DAB1: variants seen among roughly 807,000 people sequenced by gnomAD.
DAB1 encodes DAB adaptor protein 1, also known as disabled homolog 1.
Under a neutral mutation model 64.6 loss-of-function variants are expected in DAB1, and 15 were observed. The ratio of observed to expected loss-of-function variants is 0.23; its 90% confidence interval spans 0.16 to 0.36. The LOEUF (loss-of-function observed/expected upper bound fraction) is 0.36. DAB1 is among the 10% of genes least tolerant of loss of function. The pLI, the probability that DAB1 is intolerant of heterozygous loss-of-function variation, is 1.00. For missense variants in DAB1, 596 were observed against 706.7 expected, an observed-to-expected ratio of 0.84 and a Z score of 1.78; for synonymous variants, 235 against 251.9, an observed-to-expected ratio of 0.93 and a Z score of 0.64.
intron 7 of DAB1, among the ~76,000 whole-genome samples, chr1:57,475,739 C>T (rs1295787524): frequency 1.3e-5 from 2 of 152,214 alleles, no homozygotes; most frequent in Non-Finnish European, 2.9e-5. Flanking sequence ...TGTTACCGGC[C>T]AACGCCATCC....
intron 6 of DAB1, among the ~76,000 whole-genome samples, chr1:57,812,331 AAAAAAAAG>A (rs1265382163): frequency 8.6e-4 from 130 of 150,990 alleles, no homozygotes; most frequent in African/African-American, 2.6e-3. Flanking sequence ...AAAAAAAAAA[AAAAAAAAG>A]AAAGAAAGAA....
chr1:57,627,821 T>C (rs1159860768), intron 7 of DAB1, among the ~76,000 whole-genome samples: 3 of 152,196 alleles, frequency 2.0e-5, no homozygotes, highest in Non-Finnish European at 4.4e-5. Flanking sequence ...TCATGTCAAT[T>C]ACTGAGGGTG....
chr1:57,389,377 C>G (rs886903135), intron 1 of DAB1, among the ~76,000 whole-genome samples: 1 of 152,142 alleles, frequency 6.6e-6, no homozygotes, highest in Non-Finnish European at 1.5e-5. Context: ...CATGCCGTAG[C>G]CCCTGCCTAC....
intron 1 of DAB1, among the ~76,000 whole-genome samples, chr1:58,541,982 C>T (rs759481216): frequency 2.6e-5 from 4 of 152,100 alleles, no homozygotes; most frequent in Non-Finnish European, 5.9e-5. Context: ...TCAACCTAAG[C>T]TAATACGATA....
chr1:58,460,678 G>A (rs770198251), intron 3 of DAB1, among the ~76,000 whole-genome samples: 4 of 152,130 alleles, frequency 2.6e-5, no homozygotes, highest in African/African-American at 4.8e-5. Context: ...GTAGCTGTCC[G>A]TAGTCCTGAA....
At chr1:57,485,720 T>C (rs951811795) in intron 7 of DAB1, among the ~76,000 whole-genome samples, 1 of 152,100 alleles carries the variant, frequency 6.6e-6, no homozygotes, top group African/African-American at 2.4e-5. Flanking sequence ...ACCCAGTGAG[T>C]GTCGGTAGGG....
chr1:57,403,792 T>C (rs1683425054), intron 1 of DAB1, among the ~76,000 whole-genome samples: 2 of 152,170 alleles, frequency 1.3e-5, no homozygotes, highest in South Asian at 2.1e-4. Flanking sequence ...ATAATAGCCA[T>C]TACCTACACG....
intron 7 of DAB1, among the ~76,000 whole-genome samples, chr1:57,636,501 C>A (rs973086651): frequency 6.6e-6 from 1 of 152,158 alleles, no homozygotes; most frequent in South Asian, 2.1e-4. Flanking sequence ...GAAAGCTAAA[C>A]AATCAGTCAG....
chr1:57,230,394 A>G (rs1488906231), intron 2 of DAB1, among the ~76,000 whole-genome samples: 1 of 145,858 alleles, frequency 6.9e-6, no homozygotes, highest in Admixed American at 6.6e-5. Flanking sequence ...CGTACTTATC[A>G]GATTTTCAAA....
At chr1:57,083,898 G>C (rs1251751469) in intron 4 of DAB1, among the ~76,000 whole-genome samples, 2 of 152,198 alleles carry the variant, frequency 1.3e-5, no homozygotes, top group East Asian at 3.8e-4. Context: ...CTGAACCTTA[G>C]TGTCCTCATC....
At chr1:58,138,538 T>C (rs917181831) in intron 5 of DAB1, among the ~76,000 whole-genome samples, 1 of 151,948 alleles carries the variant, frequency 6.6e-6, no homozygotes, top group African/African-American at 2.4e-5. Flanking sequence ...AACAATGAGT[T>C]TGAGGTTTGT....
At chr1:57,496,079 T>G (rs900831445) in intron 7 of DAB1, among the ~76,000 whole-genome samples, 7 of 152,356 alleles carry the variant, frequency 4.6e-5, no homozygotes, top group African/African-American at 1.7e-4. Flanking sequence ...CTCTCTTTAG[T>G]AAGAATTTGA....
intron 1 of DAB1, among the ~76,000 whole-genome samples, chr1:57,842,361 G>C (rs1249308399): frequency 1.3e-5 from 2 of 152,014 alleles, no homozygotes; most frequent in Non-Finnish European, 2.9e-5. Flanking sequence ...TCCTCTCTTT[G>C]AGCCCTCCAA....
chr1:57,740,209 G>T (rs1159322782), intron 6 of DAB1, among the ~76,000 whole-genome samples: 1 of 152,092 alleles, frequency 6.6e-6, no homozygotes, highest in East Asian at 1.9e-4. Context: ...GCAAGATTCT[G>T]TCTCAAAAAT....
intron 14 of DAB1, among the ~76,000 whole-genome samples, chr1:57,001,631 A>C (rs552641322): frequency 6.6e-6 from 1 of 152,294 alleles, no homozygotes; most frequent in East Asian, 1.9e-4. Flanking sequence ...TCAAGACTGC[A>C]CATAATGCCC....
At chr1:57,366,152 CA>C (rs1679977484) in intron 1 of DAB1, among the ~76,000 whole-genome samples, 1 of 152,072 alleles carries the variant, frequency 6.6e-6, no homozygotes, top group African/African-American at 2.4e-5. Flanking sequence ...CCTTCAAGAC[CA>C]AAACAGCAAA....
intron 2 of DAB1, among the ~76,000 whole-genome samples, chr1:57,199,483 AC>A (rs1368547750): frequency 6.6e-6 from 1 of 152,122 alleles, no homozygotes; most frequent in African/African-American, 2.4e-5. Flanking sequence ...CTGATGGAAA[AC>A]TATCACACTG....
chr1:58,461,776 T>C (rs1645244422), intron 3 of DAB1, among the ~76,000 whole-genome samples: 1 of 152,240 alleles, frequency 6.6e-6, no homozygotes, highest in Non-Finnish European at 1.5e-5. Context: ...TTTCTGTTTT[T>C]ATTTTCTATC....
chr1:57,572,442 A>G (rs1440269176), intron 7 of DAB1, among the ~76,000 whole-genome samples: 1 of 152,180 alleles, frequency 6.6e-6, no homozygotes, highest in East Asian at 1.9e-4. Context: ...TGGAGCCAGA[A>G]TGCTTGTGTT....
Sources: gnomAD v4.1 joint callset for allele counts (sites outside exome capture counted in the v4.1 genomes callset) on GRCh38, gnomAD v4.1.1 for gene constraint, MANE v1.5 for transcripts, NCBI Gene and HGNC (gene_info 2026-07-23, HGNC 2026-07-21) for gene names.